The following AGR2 variants were observed in gnomAD, a reference collection of about 807,000 sequenced individuals.
AGR2 encodes anterior gradient 2, protein disulphide isomerase family member.
A neutral mutation model predicts 25.9 loss-of-function variants in AGR2; 27 were observed. The observed-to-expected ratio is 1.04, with a 90% confidence interval of 0.77 to 1.44. The LOEUF (loss-of-function observed/expected upper bound fraction) is 1.44, where lower values mean the gene tolerates loss of function less well. Ranked by LOEUF, AGR2 falls within the 40% of genes most tolerant of loss-of-function variation. The pLI, the probability that AGR2 is intolerant of heterozygous loss-of-function variation, is 0.00. For missense variants in AGR2, 182 were observed against 200.9 expected (o/e 0.91, Z 0.57); for synonymous variants, 78 against 72.0 (o/e 1.08, Z -0.42).
chr7:16,801,689 A>C lies in AGR2; in HGVS notation c.108T>G (p.Ser36=). The C allele has an allele frequency of 6.2e-7, 1 of 1,613,868 alleles. No individual in the cohort carries two copies. The highest frequency in any genetic ancestry group is 2.2e-5 in the East Asian group (1 of 44,868). ...KPGAKKDTKD[S]RPKLPQTLSR... ...AGAGGGTCTGGGGCAGTTTGGGTCG[A>C]GAGTCCTTTGTGTCCTTTTTGGCTC... is the stretch of plus-strand genomic sequence containing the variant. Residue 36 remains serine (S), a synonymous_variant, in exon 2 of 8, where the codon TCT becomes TCG. Transcript: ENST00000419304.
chr7:16,801,317 T>C lies in AGR2; in HGVS notation c.203+3A>G. ...GGGAGCTCTGAGTAATCCTGATCTT[T>C]ACCTTGTCTTGGATTTATATAGAGC... On this transcript the variant is annotated splice_donor_region_variant and intron_variant, in intron 3 of 7. Coordinates refer to ENST00000419304, the MANE Select transcript of AGR2 (RefSeq NM_006408.4). The C allele has an allele frequency of 6.2e-7, 1 of 1,613,684 alleles. No homozygotes were observed.
Position 16,801,804 on chromosome 7 carries a change from C to CG in AGR2, c.-7-2_-7-1insC, listed in dbSNP as rs762106037. 1.2e-6 allele frequency: 2 copies of CG among 1,603,958 alleles called. No individual in the cohort carries two copies. Among genetic ancestry groups the CG allele is most frequent in the Non-Finnish European group, 1.7e-6 (2 of 1,173,408 alleles). ...CACTGGAATTTTCTCCATGGCAACT[C>CG]TAGTATGGAAAACCAACCAAAATCA... On this transcript the variant is annotated splice_acceptor_variant, in intron 1 of 7. Transcript: ENST00000419304. LOFTEE classifies it low-confidence loss of function (5UTR_SPLICE).
At chr7:16,796,498 T>C (rs1000077862) in intron 6 of AGR2, among the ~76,000 whole-genome samples, 4 of 152,200 alleles carry the variant, frequency 2.6e-5, no homozygotes, top group Non-Finnish European at 4.4e-5. Context: ...AATCATATGA[T>C]TAGCATGAAT....
intron 1 of AGR2, among the ~76,000 whole-genome samples, chr7:16,803,410 T>A (rs887733551): frequency 6.6e-6 from 1 of 152,196 alleles, no homozygotes; most frequent in African/African-American, 2.4e-5. Flanking sequence ...TGGTGAATGG[T>A]TTTGAATGAA....
chr7:16,801,449 A>C, intron 2 of AGR2, 66 bp from the exon 3 acceptor site: 2 of 1,475,438 alleles, frequency 1.4e-6, no homozygotes, highest in East Asian at 2.3e-5. Context: ...GTTGAAAAGC[A>C]ATGGTAAAGA....
At chr7:16,797,922 A>T (rs963932363) in intron 5 of AGR2, among the ~76,000 whole-genome samples, 2 of 152,204 alleles carry the variant, frequency 1.3e-5, no homozygotes, top group South Asian at 4.1e-4. Flanking sequence ...AAGAGCAAAA[A>T]AATTAAGGGA....
intron 6 of AGR2, among the ~76,000 whole-genome samples, chr7:16,795,964 A>C (rs1425896106): frequency 3.9e-5 from 6 of 152,234 alleles, no homozygotes; most frequent in African/African-American, 1.2e-4. Context: ...GGTGCAGAGG[A>C]TACAAAGACA....
In AGR2 at chr7:16,795,027, G is replaced by C; in HGVS notation, c.395-8C>G. 2 of 1,613,928 alleles carry C rather than the reference G, an allele frequency of 1.2e-6. No individual in the cohort carries two copies. Among genetic ancestry groups the C allele is most frequent in the Non-Finnish European group, 1.7e-6 (2 of 1,179,782 alleles). ...TAACTGTCAGAGATGGGTCTGCAAA[G>C]ATAAATGAAGCAAAAGGGAATGGAA... On this transcript the variant is annotated splice_region_variant and splice_polypyrimidine_tract_variant and intron_variant, in intron 6 of 7. Transcript: ENST00000419304.
chr7:16,796,386 A>G (rs1168053), intron 6 of AGR2, among the ~76,000 whole-genome samples: 7,664 of 152,210 alleles, frequency 0.05, 263 homozygotes, highest in African/African-American at 0.066. Flanking sequence ...AAACCTATAA[A>G]ATTAGTGCTT....
intron 7 of AGR2, 142 bp from the exon 8 acceptor site, chr7:16,793,099 C>CA (rs1255027930): frequency 2.7e-6 from 2 of 743,808 alleles, no homozygotes; most frequent in Admixed American, 4.8e-5. Context: ...CTCAGGCTGG[C>CA]ATGCAGTGGT....
chr7:16,797,066 C>G lies in AGR2; in HGVS notation c.394+565G>C, dbSNP rs1785057110. On this transcript the variant is annotated intron_variant, in intron 6 of 7. Transcript: ENST00000419304. Reference sequence around the variant, plus strand: ...CCTCCCAGGTAGCTGGGATTACAGGCTCCTGCAACCACGCCTGGCTAATTT... The same window carrying G: ...CCTCCCAGGTAGCTGGGATTACAGGGTCCTGCAACCACGCCTGGCTAATTT... Among the ~76,000 whole-genome samples the G allele has an allele frequency of 3.3e-5, 5 of 150,232 alleles. No individual in the cohort carries two copies. The South Asian group carries it at 1.1e-3, about 32-fold the overall frequency.
chr7:16,803,757 G>A (rs1377541430), intron 1 of AGR2, among the ~76,000 whole-genome samples: 2 of 152,080 alleles, frequency 1.3e-5, no homozygotes, highest in African/African-American at 2.4e-5. Context: ...ACAATTCTCA[G>A]CCCTCTTTGT....
In AGR2 at chr7:16,792,825, C is replaced by CCA; in HGVS notation, c.*81_*82dup. On this transcript the variant is annotated 3_prime_UTR_variant, in exon 8 of 8. Coordinates refer to ENST00000419304, the MANE Select transcript of AGR2 (RefSeq NM_006408.4). ...CCTAATCAGTGTGTTCACTATGCTT[C>CCA]CACACTAGCCAGTCTTCTCACACTT... is the stretch of plus-strand genomic sequence containing the variant. 2 of 1,171,620 alleles carry CCA rather than the reference C, an allele frequency of 1.7e-6. No individual in the cohort carries two copies. Among genetic ancestry groups the CCA allele is most frequent in the East Asian group, 4.7e-5 (2 of 42,766 alleles). 72.6% of individuals were successfully genotyped at this position (1,171,620 alleles called of 1,614,324 possible).
chr7:16,794,950 G>T lies in AGR2; in HGVS notation c.464C>A (p.Ala155Glu), dbSNP rs761416632. The part of the protein sequence containing the change: ...YSNRLYAYEP[A>E]DTALLLDNMK... ...GTCACACTTACACAGAGCTGTATCT[G>T]CAGGTTCGTAAGCATAGAGACGATT... Residue 155 changes from alanine (A) to glutamate (E), a missense_variant, in exon 7 of 8, where the codon GCA becomes GAA. Coordinates refer to ENST00000419304, the MANE Select transcript of AGR2 (RefSeq NM_006408.4). 1 of 1,614,150 alleles carries T rather than the reference G, an allele frequency of 6.2e-7. No individual in the cohort carries two copies. Among genetic ancestry groups the T allele is most frequent in the South Asian group, 1.1e-5 (1 of 91,080 alleles).
rs1226291765 is a variant in AGR2 at position 16,792,684 on chromosome 7, GA to G, written c.*223del. 55 of 461,790 alleles carry G rather than the reference GA, an allele frequency of 1.2e-4. No individual in the cohort carries two copies. The highest frequency in any genetic ancestry group is 5.6e-4 in the Middle Eastern group (1 of 1,792). The allele number at this position is 461,790 out of a possible 1,614,324, so 28.6% of individuals were successfully genotyped here. On this transcript the variant is annotated 3_prime_UTR_variant, in exon 8 of 8. Transcript: ENST00000419304. The stretch of plus-strand genomic sequence containing the variant: ...CCCAAAACATTTATTTTTTTTTTTA[GA>G]AAATCATGGCTCACTATGGTAGTAT...
chr7:16,792,605 C>T lies in AGR2; in HGVS notation c.*303G>A. On this transcript the variant is annotated 3_prime_UTR_variant, in exon 8 of 8. Coordinates refer to ENST00000419304, the MANE Select transcript of AGR2 (RefSeq NM_006408.4). ...CTTGAGCATTTTGTGTGTGTTTAAT[C>T]CTATTTGGTAAACGAACCACTGTGA... 9.0e-6 allele frequency: 3 copies of T among 333,346 alleles called. No homozygotes were observed. In the South Asian group the frequency reaches 1.3e-4, roughly 14 times the overall value. The allele number at this position is 333,346 out of a possible 1,614,324, so 20.6% of individuals were successfully genotyped here.
At chr7:16,799,679 A>G in intron 5 of AGR2, 65 bp downstream of exon 5, 2 of 1,214,026 alleles carry the variant, frequency 1.6e-6, no homozygotes, top group Non-Finnish European at 1.2e-6. Context: ...TATAGGAAAA[A>G]TGAATCATCC....
intron 4 of AGR2, among the ~76,000 whole-genome samples, chr7:16,800,258 A>G (rs1785118880): frequency 6.6e-6 from 1 of 152,244 alleles, no homozygotes; most frequent in Non-Finnish European, 1.5e-5. Flanking sequence ...AAAAACTGTG[A>G]GTGGTCAGGG....
intron 1 of AGR2, among the ~76,000 whole-genome samples, chr7:16,802,540 A>G (rs1027917950): frequency 6.6e-6 from 1 of 152,224 alleles, no homozygotes; most frequent in South Asian, 2.1e-4. Flanking sequence ...TGAATACTCT[A>G]TTGGAAGTAA....
Sources: gnomAD v4.1 joint callset for allele counts (sites outside exome capture counted in the v4.1 genomes callset) on GRCh38, gnomAD v4.1.1 for gene constraint, MANE v1.5 for transcripts, NCBI Gene and HGNC (gene_info 2026-07-23, HGNC 2026-07-21) for gene names.